SH3BGRL: variants seen among roughly 807,000 people sequenced by gnomAD.
SH3BGRL encodes adapter SH3BGRL.
In SH3BGRL, 7 loss-of-function variants were observed where a neutral mutation model predicts 9.8. The observed-to-expected ratio is 0.72, with a 90% CI of 0.41 to 1.35. The LOEUF (loss-of-function observed/expected upper bound fraction) is 1.35, where lower values mean the gene tolerates loss of function less well. SH3BGRL is among the 40% of genes most tolerant of loss of function. The pLI is 0.01. For missense variants in SH3BGRL, 73 were observed against 84.4 expected, an observed-to-expected ratio of 0.86 and a Z score of 0.53; for synonymous variants, 36 against 29.1, an observed-to-expected ratio of 1.24 and a Z score of -0.76.
chrX:81,288,145 A>C (rs1338686131), intron 3 of SH3BGRL, among the ~76,000 whole-genome samples: 1 of 112,061 alleles, frequency 8.9e-6, no homozygotes, highest in Non-Finnish European at 1.9e-5. Context: ...TATGCAAATC[A>C]ACCAATGTGA....
chrX:81,244,881 A>G lies in SH3BGRL; in HGVS notation c.46-32103A>G, dbSNP rs904744544. Among the ~76,000 whole-genome samples, 3 of 111,458 alleles carry G rather than the reference A, an allele frequency of 2.7e-5. No homozygotes were observed. In the Admixed American group the frequency reaches 2.9e-4, roughly 11 times the overall value. ...AAGAAAGATTCTTTCCTGTCCAGAA[A>G]CAGAGGTCATTTTAGAACTTGGGGT... On this transcript the variant is annotated intron_variant, in intron 1 of 3. Coordinates refer to ENST00000373212, the MANE Select transcript of SH3BGRL (RefSeq NM_003022.3).
At chrX:81,289,042 T>C (rs760232091) in intron 3 of SH3BGRL, among the ~76,000 whole-genome samples, 1 of 112,268 alleles carries the variant, frequency 8.9e-6, no homozygotes. Context: ...AGAGCTATAC[T>C]AATCAAAACA....
intron 1 of SH3BGRL, among the ~76,000 whole-genome samples, chrX:81,208,185 C>A (rs1018824976): frequency 1.8e-5 from 2 of 110,878 alleles, no homozygotes; most frequent in African/African-American, 6.6e-5. Flanking sequence ...TGGCCTGAAC[C>A]CGGAAGGCAG....
At chrX:81,273,996 G>A (rs2075789474) in intron 1 of SH3BGRL, among the ~76,000 whole-genome samples, 1 of 111,945 alleles carries the variant, frequency 8.9e-6, no homozygotes, top group Non-Finnish European at 1.9e-5. Context: ...GGTGAGGGGT[G>A]TGGTTTACTG....
chrX:81,274,607 A>G (rs914917907), intron 1 of SH3BGRL, among the ~76,000 whole-genome samples: 4 of 110,062 alleles, frequency 3.6e-5, no homozygotes, highest in Non-Finnish European at 5.7e-5. Context: ...AAAAAAAAGC[A>G]ATAATTATTT....
At chrX:81,290,285 G>C (rs1329173813) in intron 3 of SH3BGRL, among the ~76,000 whole-genome samples, 1 of 112,083 alleles carries the variant, frequency 8.9e-6, no homozygotes, top group African/African-American at 3.2e-5. Context: ...TCTCATGTTT[G>C]TTGCCACACT....
At chrX:81,243,628 C>T (rs183425508) in intron 1 of SH3BGRL, among the ~76,000 whole-genome samples, 4 of 110,887 alleles carry the variant, frequency 3.6e-5, no homozygotes, top group South Asian at 7.6e-4. Context: ...TAATTCTGTA[C>T]GATGTGCTTA....
chrX:81,275,389 G>T (rs141467968), intron 1 of SH3BGRL, among the ~76,000 whole-genome samples: 1 of 111,225 alleles, frequency 9.0e-6, no homozygotes, highest in Non-Finnish European at 1.9e-5. Flanking sequence ...GAGAGCCACC[G>T]TGCCCAGCCT....
intron 3 of SH3BGRL, among the ~76,000 whole-genome samples, chrX:81,296,633 C>G (rs2075875724): frequency 9.0e-6 from 1 of 111,363 alleles, no homozygotes; most frequent in Non-Finnish European, 1.9e-5. Flanking sequence ...TCTTGCCACT[C>G]ATCTTTAGTT....
intron 1 of SH3BGRL, among the ~76,000 whole-genome samples, chrX:81,276,754 T>A (rs1356850948): frequency 9.1e-6 from 1 of 109,973 alleles, no homozygotes; most frequent in African/African-American, 3.3e-5. Flanking sequence ...ATAATGAAAA[T>A]TTTCAATGGA....
chrX:81,261,624 A>G (rs2075741769), intron 1 of SH3BGRL, among the ~76,000 whole-genome samples: 1 of 111,316 alleles, frequency 9.0e-6, no homozygotes, highest in Non-Finnish European at 1.9e-5. Context: ...ACCATAGGAT[A>G]TGCTAGAAGG....
At chrX:81,275,382 A>T in intron 1 of SH3BGRL, among the ~76,000 whole-genome samples, 1 of 111,422 alleles carries the variant, frequency 9.0e-6, no homozygotes, top group Non-Finnish European at 1.9e-5. Flanking sequence ...TACAGATGAG[A>T]GCCACCGTGC....
intron 3 of SH3BGRL, among the ~76,000 whole-genome samples, chrX:81,293,546 G>C (rs778931112): frequency 5.4e-5 from 6 of 111,964 alleles, no homozygotes; most frequent in African/African-American, 1.9e-4. Flanking sequence ...AGCTGGGCAT[G>C]GTGGCATGTG....
chrX:81,249,036 C>T (rs112856450), intron 1 of SH3BGRL, among the ~76,000 whole-genome samples: 5,762 of 111,975 alleles, frequency 0.051, 160 homozygotes, highest in South Asian at 0.22. Context: ...AATTAAAGCT[C>T]ACAGAGTTTA....
chrX:81,242,690 C>T (rs1255596474), intron 1 of SH3BGRL, among the ~76,000 whole-genome samples: 3 of 111,363 alleles, frequency 2.7e-5, no homozygotes, highest in Admixed American at 1.9e-4. Context: ...GTATTAATAA[C>T]CAGAATACTT....
chrX:81,223,539 GA>G (rs928339476), intron 1 of SH3BGRL, among the ~76,000 whole-genome samples: 12 of 110,472 alleles, frequency 1.1e-4, no homozygotes, highest in South Asian at 3.8e-4. Flanking sequence ...TAAGTCTGAT[GA>G]TTTTTTTTTT....
chrX:81,212,164 G>A (rs1049818194), intron 1 of SH3BGRL, among the ~76,000 whole-genome samples: 1 of 110,641 alleles, frequency 9.0e-6, no homozygotes, highest in East Asian at 2.8e-4. Context: ...GAGGCCCAGC[G>A]GGGGACGATC....
intron 1 of SH3BGRL, among the ~76,000 whole-genome samples, chrX:81,259,208 T>G (rs1403391980): frequency 1.8e-5 from 2 of 111,882 alleles, no homozygotes; most frequent in African/African-American, 6.5e-5. Flanking sequence ...TTGCTTATCC[T>G]TATATGGGAA....
At chrX:81,236,020 G>A (rs952726571) in intron 1 of SH3BGRL, among the ~76,000 whole-genome samples, 6 of 111,451 alleles carry the variant, frequency 5.4e-5, no homozygotes, top group Non-Finnish European at 9.4e-5. Flanking sequence ...TTACTACCCT[G>A]ACCAATCTGA....
Sources: gnomAD v4.1 joint callset for allele counts (sites outside exome capture counted in the v4.1 genomes callset) on GRCh38, gnomAD v4.1.1 for gene constraint, MANE v1.5 for transcripts, NCBI Gene and HGNC (gene_info 2026-07-23, HGNC 2026-07-21) for gene names.